Variants in NDUFB5 observed in about 807,000 individuals in gnomAD.
The protein encoded by NDUFB5 is NADH dehydrogenase [ubiquinone] 1 beta subcomplex subunit 5, mitochondrial.
NDUFB5 carries 19 observed loss-of-function variants against 19.4 expected under a neutral mutation model. The ratio of observed to expected loss-of-function variants is 0.98; its 90% CI spans 0.68 to 1.43. NDUFB5 has a LOEUF of 1.43. NDUFB5 is among the 40% of genes most tolerant of loss of function. The pLI, the probability that NDUFB5 is intolerant of heterozygous loss-of-function variation, is 0.00. For missense variants in NDUFB5, 233 were observed against 236.5 expected (o/e 0.99, Z 0.10); for synonymous variants, 80 against 82.6 (o/e 0.97, Z 0.17).
intron 2 of NDUFB5, chr3:179,615,779 A>T (rs1719361044): frequency 6.6e-6 from 4 of 606,270 alleles, no homozygotes; most frequent in Admixed American, 5.8e-5. Flanking sequence ...TGATGCTTTT[A>T]GACTTTTGTT....
intron 1 of NDUFB5, among the ~76,000 whole-genome samples, chr3:179,614,326 A>G (rs1719322457): frequency 6.6e-6 from 1 of 152,192 alleles, no homozygotes; most frequent in Non-Finnish European, 1.5e-5. Context: ...TTACCACGTG[A>G]TTTTATCAAG....
intron 1 of NDUFB5, among the ~76,000 whole-genome samples, chr3:179,608,678 C>G (rs1719164883): frequency 1.3e-5 from 2 of 152,256 alleles, no homozygotes; most frequent in Non-Finnish European, 1.5e-5. Context: ...AGGTCTGAGT[C>G]CTGAGGACCT....
chr3:179,622,882 A>G (rs937130646), intron 5 of NDUFB5, among the ~76,000 whole-genome samples: 2 of 152,176 alleles, frequency 1.3e-5, no homozygotes, highest in Non-Finnish European at 2.9e-5. Flanking sequence ...GGACTACTTC[A>G]GGAATGTGTG....
intron 5 of NDUFB5, among the ~76,000 whole-genome samples, chr3:179,623,604 G>A (rs541392127): frequency 6.6e-5 from 10 of 152,272 alleles, no homozygotes; most frequent in Admixed American, 6.5e-4. Context: ...AGCCTGGGAG[G>A]TAGAAGTTGC....
rs1719406611 is a variant in NDUFB5 at position 179,617,247 on chromosome 3, C to T, written c.342+203C>T. 5.8e-5 allele frequency: 23 copies of T among 394,962 alleles called. 2 individuals carry two copies. In the South Asian group the frequency reaches 7.0e-4, roughly 12 times the overall value. 24.5% of individuals were successfully genotyped at this position (394,962 alleles called of 1,614,324 possible). On this transcript the variant is annotated intron_variant, in intron 4 of 5. Transcript: ENST00000259037. ...CTGCCTCCCGCATTCAAGCGATTCT[C>T]ATGCCTCAGTCTCCCACGTCGCTGG...
At chr3:179,616,597 A>T (rs1719385854) in intron 3 of NDUFB5, among the ~76,000 whole-genome samples, 1 of 152,188 alleles carries the variant, frequency 6.6e-6, no homozygotes, top group African/African-American at 2.4e-5. Flanking sequence ...CAATGACAGT[A>T]AACATTAGAT....
chr3:179,618,126 A>G (rs1457107104), intron 4 of NDUFB5: 1 of 219,820 alleles, frequency 4.5e-6, no homozygotes, highest in Non-Finnish European at 8.9e-6. Context: ...GATACTCAGC[A>G]TAGTGTAATG....
intron 2 of NDUFB5, 72 bp downstream of exon 2, chr3:179,615,131 AC>A: frequency 1.3e-6 from 1 of 756,172 alleles, no homozygotes; most frequent in Non-Finnish European, 2.2e-6. Context: ...TCTTTAGAAA[AC>A]ATCTTTCATT....
At chr3:179,622,203 G>A (rs907853286) in intron 5 of NDUFB5, among the ~76,000 whole-genome samples, 1 of 152,140 alleles carries the variant, frequency 6.6e-6, no homozygotes, top group Non-Finnish European at 1.5e-5. Context: ...TGTTGGCCAG[G>A]CTGATCTCGA....
chr3:179,619,660 T>C (rs568274022), intron 5 of NDUFB5, among the ~76,000 whole-genome samples: 7 of 152,340 alleles, frequency 4.6e-5, no homozygotes, highest in African/African-American at 1.7e-4. Context: ...AGTAAACATA[T>C]GTGTGCATGT....
rs897975024 is a variant in NDUFB5 at position 179,614,930 on chromosome 3, A to G, written c.125-41A>G. 3.7e-6 allele frequency: 5 copies of G among 1,364,942 alleles called. No homozygotes were observed. The African/African-American group carries it at 5.8e-5, about 16-fold the overall frequency. 84.6% of individuals were successfully genotyped at this position (1,364,942 alleles called of 1,614,324 possible). ...TAACTCAGAATATAACAGTATACCCATATGAACCTTGTATAAAACAGGGTA... is the reference window on the plus strand; with the variant it reads ...TAACTCAGAATATAACAGTATACCCGTATGAACCTTGTATAAAACAGGGTA... On this transcript the variant is annotated intron_variant, in intron 1 of 5. Transcript: ENST00000259037.
chr3:179,618,411 G>T lies in NDUFB5; in HGVS notation c.343-4G>T. ...ACTAATATTAAACGAATTTTCTCTT[G>T]TAGCATCCCATATCAAGATGGATTG... is the stretch of plus-strand genomic sequence containing the variant. On this transcript the variant is annotated splice_polypyrimidine_tract_variant and splice_region_variant and intron_variant, in intron 4 of 5. Coordinates refer to ENST00000259037, the MANE Select transcript of NDUFB5 (RefSeq NM_002492.4). The T allele has an allele frequency of 6.3e-7, 1 of 1,583,872 alleles. No individual in the cohort carries two copies. The highest frequency in any genetic ancestry group is 8.6e-7 in the Non-Finnish European group (1 of 1,161,750).
chr3:179,625,541 T>C lies in NDUFB5; in HGVS notation c.*1501T>C, dbSNP rs1298005043. On this transcript the variant is annotated 3_prime_UTR_variant, in exon 6 of 6. Coordinates refer to ENST00000259037, the MANE Select transcript of NDUFB5 (RefSeq NM_002492.4). Reference sequence around the variant, plus strand: ...ACATATATTTCAAAATATAGTTATATATTTCAAAATAAGATATAGCAAGTT... The same window carrying C: ...ACATATATTTCAAAATATAGTTATACATTTCAAAATAAGATATAGCAAGTT... The C allele has an allele frequency of 6.6e-6, 1 of 152,220 alleles. No individual in the cohort carries two copies. The highest frequency in any genetic ancestry group is 1.5e-5 in the Non-Finnish European group (1 of 68,040). The allele number at this position is 152,220 out of a possible 1,614,324, so 9.4% of individuals were successfully genotyped here. A position where few individuals can be genotyped will look rare whatever the true frequency, so the allele number is the denominator to read the frequency against.
chr3:179,620,404 C>T (rs1019456713), intron 5 of NDUFB5, among the ~76,000 whole-genome samples: 2 of 151,098 alleles, frequency 1.3e-5, no homozygotes, highest in African/African-American at 4.8e-5. Flanking sequence ...CCAGTTTCAG[C>T]TTTCTACATA....
At position 179,626,361 on chromosome 3, in the gene NDUFB5, A is replaced by G. The variant is rs1719669171; in HGVS notation, c.*2321A>G. Reference sequence around the variant, plus strand: ...GATCATTCCACCTCAGGATGACCCAAATAGCTAGGACCAAAGGCGAGTGCC... The same window carrying G: ...GATCATTCCACCTCAGGATGACCCAGATAGCTAGGACCAAAGGCGAGTGCC... On this transcript the variant is annotated 3_prime_UTR_variant, in exon 6 of 6. Transcript: ENST00000259037. The G allele has an allele frequency of 6.6e-6, 1 of 151,956 alleles. No homozygotes were observed. The highest frequency in any genetic ancestry group is 1.9e-4 in the East Asian group (1 of 5,172). 9.4% of individuals were successfully genotyped at this position (151,956 alleles called of 1,614,324 possible). A position where few individuals can be genotyped will look rare whatever the true frequency, so the allele number is the denominator to read the frequency against.
At chr3:179,614,235 T>C (rs1719318672) in intron 1 of NDUFB5, among the ~76,000 whole-genome samples, 1 of 152,196 alleles carries the variant, frequency 6.6e-6, no homozygotes, top group South Asian at 2.1e-4. Context: ...AGTGAAATTT[T>C]GCCTCAGTTT....
At chr3:179,608,267 C>T (rs1258328169) in intron 1 of NDUFB5, among the ~76,000 whole-genome samples, 2 of 151,884 alleles carry the variant, frequency 1.3e-5, no homozygotes, top group Non-Finnish European at 2.9e-5. Context: ...TTGGCTCACA[C>T]AGCCATCTCT....
In NDUFB5 at chr3:179,626,347, C is replaced by A. The variant is rs1719668964; in HGVS notation, c.*2307C>A. ...TCCTGGGCTCAAGTGATCATTCCAC[C>A]TCAGGATGACCCAAATAGCTAGGAC... On this transcript the variant is annotated 3_prime_UTR_variant, in exon 6 of 6. Coordinates refer to ENST00000259037, the MANE Select transcript of NDUFB5 (RefSeq NM_002492.4). 1 of 151,748 alleles carries A rather than the reference C, an allele frequency of 6.6e-6. No individual in the cohort carries two copies. The highest frequency in any genetic ancestry group is 2.4e-5 in the African/African-American group (1 of 41,270). 9.4% of individuals were successfully genotyped at this position (151,748 alleles called of 1,614,324 possible). A position where few individuals can be genotyped will look rare whatever the true frequency, so the allele number is the denominator to read the frequency against.
rs1719657125 is a variant in NDUFB5 at position 179,625,840 on chromosome 3, C to T, written c.*1800C>T. On this transcript the variant is annotated 3_prime_UTR_variant, in exon 6 of 6. Coordinates refer to ENST00000259037, the MANE Select transcript of NDUFB5 (RefSeq NM_002492.4). ...GGCTTATTTCACTTACATTAATGAC[C>T]TCCAGTTCCATCCATGTTGCTACAA... 1 of 152,164 alleles carries T rather than the reference C, an allele frequency of 6.6e-6. No homozygotes were observed. Among genetic ancestry groups the T allele is most frequent in the Non-Finnish European group, 1.5e-5 (1 of 68,034 alleles). 9.4% of individuals were successfully genotyped at this position (152,164 alleles called of 1,614,324 possible).
Sources: allele counts gnomAD v4.1 joint callset (sites outside exome capture counted in the v4.1 genomes callset), GRCh38; gene constraint gnomAD v4.1.1; transcripts MANE v1.5; gene names NCBI Gene and HGNC (gene_info 2026-07-23, HGNC 2026-07-21).